Variants in NALF1 observed in about 807,000 individuals in gnomAD.
NALF1 encodes the protein NALCN channel auxiliary factor 1, also known as family with sequence similarity 155 member A.
NALF1 carries 3 observed loss-of-function variants against 48.4 expected under a neutral mutation model. The ratio of observed to expected loss-of-function variants is 0.06; its 90% CI spans 0.03 to 0.16. NALF1 has a LOEUF of 0.16. Among genes scored for constraint, NALF1 ranks in the 10% least tolerant of loss-of-function variants. NALF1 has a pLI of 1.00. For synonymous variants in NALF1, 262 were observed against 245.7 expected (o/e 1.07, Z -0.62); for missense variants, 526 against 571.5 (o/e 0.92, Z 0.81).
intron 1 of NALF1, among the ~76,000 whole-genome samples, chr13:107,716,494 G>A (rs1455627256): frequency 6.6e-6 from 1 of 152,200 alleles, no homozygotes; most frequent in South Asian, 2.1e-4. Flanking sequence ...TGATGTGGGA[G>A]AGAATCTCTG....
intron 1 of NALF1, among the ~76,000 whole-genome samples, chr13:107,770,979 G>A (rs1877560723): frequency 6.6e-6 from 1 of 152,148 alleles, no homozygotes; most frequent in South Asian, 2.1e-4. Flanking sequence ...TCCTAGGAAT[G>A]AGGGAGCCTG....
chr13:107,410,366 C>G (rs1326594311), intron 1 of NALF1, among the ~76,000 whole-genome samples: 1 of 152,102 alleles, frequency 6.6e-6, no homozygotes, highest in Admixed American at 6.6e-5. Context: ...TGTCCCATGT[C>G]TCTGAACATT....
intron 1 of NALF1, among the ~76,000 whole-genome samples, chr13:107,797,240 C>T (rs375545946): frequency 1.3e-5 from 2 of 152,178 alleles, no homozygotes; most frequent in Non-Finnish European, 2.9e-5. Context: ...GAGTCTCGCT[C>T]TGTCACCCAG....
rs147700529 is a variant in NALF1, at chr13:107,653,091, T to C, written c.915+212591A>G. 1.8e-4 allele frequency among the ~76,000 whole-genome samples: 27 copies of C among 150,024 alleles called. No homozygotes were observed. The East Asian group carries it at 5.2e-3, about 29-fold the overall frequency. ...AAAACACTCCTGGTATCTTTATGTGTTGCTTTTAGTTTTAGACTACCATGA... is the reference window on the plus strand; with the variant it reads ...AAAACACTCCTGGTATCTTTATGTGCTGCTTTTAGTTTTAGACTACCATGA... On this transcript the variant is annotated intron_variant, in intron 1 of 2. Transcript: ENST00000375915.
At chr13:107,211,885 GCA>G (rs1375753323) in intron 1 of NALF1, among the ~76,000 whole-genome samples, 1 of 151,980 alleles carries the variant, frequency 6.6e-6, no homozygotes, top group African/African-American at 2.4e-5. Context: ...GTGATTCTCA[GCA>G]TGCACTTTTG....
At chr13:107,492,023 C>T (rs1024773691) in intron 1 of NALF1, among the ~76,000 whole-genome samples, 1 of 147,364 alleles carries the variant, frequency 6.8e-6, no homozygotes, top group Non-Finnish European at 1.5e-5. Context: ...TTTTTACAAG[C>T]CTGTCTGGGT....
intron 1 of NALF1, among the ~76,000 whole-genome samples, chr13:107,715,699 G>A (rs1875794380): frequency 6.6e-6 from 1 of 152,190 alleles, no homozygotes; most frequent in Admixed American, 6.5e-5. Context: ...CAGCAGAGAT[G>A]GCTGTGAAGC....
At chr13:107,857,084 T>C (rs1875819879) in intron 1 of NALF1, among the ~76,000 whole-genome samples, 1 of 152,206 alleles carries the variant, frequency 6.6e-6, no homozygotes, top group Non-Finnish European at 1.5e-5. Flanking sequence ...TCTCCCTGTG[T>C]CTTCTCTATC....
At chr13:107,450,296 G>C (rs1002208251) in intron 1 of NALF1, among the ~76,000 whole-genome samples, 1 of 152,110 alleles carries the variant, frequency 6.6e-6, no homozygotes, top group Non-Finnish European at 1.5e-5. Context: ...AGAAGAATGT[G>C]GGAAAACAAG....
intron 1 of NALF1, among the ~76,000 whole-genome samples, chr13:107,553,903 G>A (rs1383607533): frequency 2.0e-5 from 3 of 151,998 alleles, no homozygotes; most frequent in African/African-American, 7.2e-5. Context: ...AGTTAAGTAA[G>A]TGCCTGGCAA....
intron 1 of NALF1, among the ~76,000 whole-genome samples, chr13:107,814,697 A>G (rs1879111464): frequency 6.6e-6 from 1 of 152,322 alleles, no homozygotes. Context: ...AAACGGAAAG[A>G]ATTGAAAAAA....
intron 1 of NALF1, among the ~76,000 whole-genome samples, chr13:107,644,835 G>A (rs913975752): frequency 1.3e-5 from 2 of 151,748 alleles, no homozygotes; most frequent in Admixed American, 1.3e-4. Context: ...CCAGATCAGT[G>A]ATGATCCTTG....
At chr13:107,819,874 T>C (rs1189477298) in intron 1 of NALF1, among the ~76,000 whole-genome samples, 1 of 152,160 alleles carries the variant, frequency 6.6e-6, no homozygotes, top group African/African-American at 2.4e-5. Context: ...TGCCACTATC[T>C]ATTTTTTAGG....
chr13:107,317,035 A>G (rs1309235776), intron 1 of NALF1, among the ~76,000 whole-genome samples: 1 of 152,198 alleles, frequency 6.6e-6, no homozygotes, highest in Non-Finnish European at 1.5e-5. Context: ...GAGAAAAACT[A>G]TTGATTGCTA....
At chr13:107,390,926 A>G (rs1883616938) in intron 1 of NALF1, among the ~76,000 whole-genome samples, 1 of 148,948 alleles carries the variant, frequency 6.7e-6, no homozygotes, top group African/African-American at 2.5e-5. Flanking sequence ...GTTTTAGAAA[A>G]TGAAAGAAAA....
chr13:107,261,721 G>A (rs1304684985), intron 1 of NALF1, among the ~76,000 whole-genome samples: 1 of 152,156 alleles, frequency 6.6e-6, no homozygotes. Flanking sequence ...AATGGCAGAA[G>A]ATACAGAGAA....
At chr13:107,692,803 T>C (rs978319043) in intron 1 of NALF1, among the ~76,000 whole-genome samples, 3 of 152,210 alleles carry the variant, frequency 2.0e-5, no homozygotes, top group Non-Finnish European at 1.5e-5. Context: ...TATGGTTGTA[T>C]GGCTAGAAAT....
intron 1 of NALF1, among the ~76,000 whole-genome samples, chr13:107,779,139 C>T (rs1286594451): frequency 2.6e-5 from 4 of 152,168 alleles, no homozygotes; most frequent in African/African-American, 9.7e-5. Context: ...TTTTCTCATG[C>T]ATAAATTTCA....
chr13:107,704,047 A>C (rs977293099), intron 1 of NALF1, among the ~76,000 whole-genome samples: 1 of 152,014 alleles, frequency 6.6e-6, no homozygotes, highest in South Asian at 2.1e-4. Flanking sequence ...TTAAAAAGGC[A>C]CTCCTCTCTG....
Sources: allele counts gnomAD v4.1 joint callset (sites outside exome capture counted in the v4.1 genomes callset), GRCh38; gene constraint gnomAD v4.1.1; transcripts MANE v1.5; gene names NCBI Gene and HGNC (gene_info 2026-07-23, HGNC 2026-07-21).